The following ATP2C1 variants were observed in gnomAD, a reference collection of about 807,000 sequenced individuals.
The protein encoded by ATP2C1 is ATPase secretory pathway Ca2+ transporting 1.
ATP2C1 carries 31 observed loss-of-function variants against 120.5 expected under a neutral mutation model. That is an observed-to-expected ratio of 0.26 (90% CI 0.19 to 0.35). The LOEUF is 0.35. Among genes scored for constraint, ATP2C1 ranks in the 10% least tolerant of loss-of-function variants. ATP2C1 has a pLI of 1.00. For missense variants in ATP2C1, 731 were observed against 1,107.5 expected (o/e 0.66, Z 4.83); for synonymous variants, 351 against 358.7 (o/e 0.98, Z 0.24).
At chr3:130,924,769 A>T (rs1104140) in intron 2 of ATP2C1, among the ~76,000 whole-genome samples, 68,346 of 151,502 alleles carry the variant, frequency 0.45, 18,286 homozygotes, top group Middle Eastern at 0.63. Context: ...TATTTTTTTT[A>T]AAATAATTTT....
downstream of ATP2C1, among the ~76,000 whole-genome samples, chr3:131,006,775 A>G (rs1041420337): frequency 3.3e-5 from 5 of 149,626 alleles, no homozygotes; most frequent in African/African-American, 4.9e-5. Context: ...TGATCCTCCT[A>G]TCTCAGCCTC....
chr3:130,854,558 A>G (rs1048595182), intron 1 of ATP2C1, among the ~76,000 whole-genome samples: 1 of 152,222 alleles, frequency 6.6e-6, no homozygotes, highest in Non-Finnish European at 1.5e-5. Flanking sequence ...TCTGTGGCTC[A>G]GGTGATCAAG....
Position 130,969,274 on chromosome 3 carries a change from T to C in ATP2C1, c.1309-18T>C. On this transcript the variant is annotated intron_variant, in intron 16 of 27. Transcript: ENST00000510168. The stretch of plus-strand genomic sequence containing the variant: ...ATCACATATAGGTGAGAATTAACTT[T>C]CTCTTTGTGCCATATAGATGGGTCT... 1 of 1,566,286 alleles carries C rather than the reference T, an allele frequency of 6.4e-7. No homozygotes were observed. The highest frequency in any genetic ancestry group is 8.8e-7 in the Non-Finnish European group (1 of 1,136,808).
chr3:130,916,717 C>T (rs2058707029), intron 2 of ATP2C1, among the ~76,000 whole-genome samples: 1 of 152,018 alleles, frequency 6.6e-6, no homozygotes, highest in Non-Finnish European at 1.5e-5. Flanking sequence ...AACTTGACCC[C>T]TCAGTTCTCC....
At chr3:130,965,071 A>C (rs771083754) in intron 14 of ATP2C1, 26 bp downstream of exon 14, 14 of 1,516,738 alleles carry the variant, frequency 9.2e-6, no homozygotes, top group Non-Finnish European at 3.7e-6. Context: ...TTAAAAACAA[A>C]CAAAAACAGT....
chr3:130,910,264 A>G (rs1451161790), intron 2 of ATP2C1, among the ~76,000 whole-genome samples: 3 of 151,172 alleles, frequency 2.0e-5, no homozygotes, highest in Non-Finnish European at 4.4e-5. Flanking sequence ...TTCTTGGTGT[A>G]TAAGAATGCT....
intron 1 of ATP2C1, among the ~76,000 whole-genome samples, chr3:130,861,392 C>T (rs1332711958): frequency 6.6e-6 from 1 of 152,188 alleles, no homozygotes; most frequent in Admixed American, 6.5e-5. Context: ...AGAAAGACAG[C>T]AATGTAATTT....
chr3:130,931,137 T>TTTG (rs960455562), intron 3 of ATP2C1, among the ~76,000 whole-genome samples: 3 of 152,106 alleles, frequency 2.0e-5, no homozygotes, highest in African/African-American at 7.2e-5. Context: ...TTTTTAGGTT[T>TTTG]TTGTTGTTGT....
intron 2 of ATP2C1, chr3:130,928,169 A>G (rs930412271): frequency 6.6e-6 from 1 of 152,266 alleles, no homozygotes; most frequent in African/African-American, 2.4e-5. Context: ...ACAAAGTTAA[A>G]TATGGCCTGG....
chr3:130,885,109 T>C (rs1234705421), intron 1 of ATP2C1, among the ~76,000 whole-genome samples: 1 of 151,990 alleles, frequency 6.6e-6, no homozygotes, highest in African/African-American at 2.4e-5. Context: ...AATTTTTGTA[T>C]TTTTAGTAGA....
chr3:131,016,425 A>G, exon 27 of ATP2C1: 1 of 1,417,404 alleles, frequency 7.1e-7, no homozygotes, highest in Non-Finnish European at 9.8e-7. Flanking sequence ...CAAATTCTAT[A>G]AAGAAAGAAA....
intron 14 of ATP2C1, among the ~76,000 whole-genome samples, chr3:130,966,584 GAAATTTCTTTTC>G (rs2061055620): frequency 6.6e-6 from 1 of 151,880 alleles, no homozygotes; most frequent in Admixed American, 6.6e-5. Context: ...TTTTTATTGT[GAAATTTCTTTTC>G]GTTTGGCTTG....
At chr3:130,906,616 T>C (rs1479381219) in intron 2 of ATP2C1, among the ~76,000 whole-genome samples, 1 of 151,880 alleles carries the variant, frequency 6.6e-6, no homozygotes, top group Non-Finnish European at 1.5e-5. Flanking sequence ...TCATTCCCAC[T>C]AGCAGTGTAT....
Position 130,967,534 on chromosome 3 carries a change from C to G in ATP2C1, c.1308+115C>G. ...AGGTATTGAGTGAAAAAAACTCATA[C>G]TATTTCATTGTTTTTACTATCTTTT... is the stretch of plus-strand genomic sequence containing the variant. On this transcript the variant is annotated intron_variant, in intron 16 of 27. Transcript: ENST00000510168. 4.8e-6 allele frequency: 4 copies of G among 841,494 alleles called. No homozygotes were observed. In the South Asian group the frequency reaches 5.8e-5, roughly 12 times the overall value. The allele number at this position is 841,494 out of a possible 1,614,324, so 52.1% of individuals were successfully genotyped here.
intron 1 of ATP2C1, among the ~76,000 whole-genome samples, chr3:130,883,757 C>T (rs922297876): frequency 1.3e-5 from 2 of 151,958 alleles, no homozygotes; most frequent in Admixed American, 1.3e-4. Context: ...GCACCCAACC[C>T]TCTTTCTTCT....
chr3:130,921,752 T>G (rs1018570428), intron 2 of ATP2C1, among the ~76,000 whole-genome samples: 1 of 152,140 alleles, frequency 6.6e-6, no homozygotes, highest in Admixed American at 6.5e-5. Flanking sequence ...TATTAATACA[T>G]TTTTTATATG....
chr3:130,862,960 C>T (rs547411262), intron 1 of ATP2C1, among the ~76,000 whole-genome samples: 81 of 152,126 alleles, frequency 5.3e-4, no homozygotes, highest in African/African-American at 1.9e-3. Context: ...AAATTTTTAA[C>T]GAAACATAAG....
intron 2 of ATP2C1, among the ~76,000 whole-genome samples, chr3:130,912,969 T>G (rs2108142068): frequency 6.7e-6 from 1 of 149,726 alleles, no homozygotes; most frequent in East Asian, 2.0e-4. Flanking sequence ...TGGATGAAAT[T>G]GGAAATCATC....
Position 131,001,999 on chromosome 3 carries a change from T to A in ATP2C1, c.*649T>A. ...GTAAATTTTTGTTTTTCTTAGTAAGTGTAAATGGTTGCTTTATTTTTATTT... is the reference window on the plus strand; with the variant it reads ...GTAAATTTTTGTTTTTCTTAGTAAGAGTAAATGGTTGCTTTATTTTTATTT... On this transcript the variant is annotated 3_prime_UTR_variant, in exon 28 of 28. Coordinates refer to ENST00000510168, the MANE Select transcript of ATP2C1 (RefSeq NM_001378687.1). The A allele has an allele frequency of 1.0e-6, 1 of 983,258 alleles. No homozygotes were observed. The highest frequency in any genetic ancestry group is 1.2e-6 in the Non-Finnish European group (1 of 827,592). The allele number at this position is 983,258 out of a possible 1,614,324, so 60.9% of individuals were successfully genotyped here. A position where few individuals can be genotyped will look rare whatever the true frequency, so the allele number is the denominator to read the frequency against.
Sources: allele counts gnomAD v4.1 joint callset (sites outside exome capture counted in the v4.1 genomes callset), GRCh38; gene constraint gnomAD v4.1.1; transcripts MANE v1.5; gene names NCBI Gene and HGNC (gene_info 2026-07-23, HGNC 2026-07-21).